The following CXXC1 variants were observed in gnomAD, a reference collection of about 807,000 sequenced individuals.
CXXC1 encodes the protein CXXC finger protein 1.
Under a neutral mutation model 83.6 loss-of-function variants are expected in CXXC1, and 21 were observed. The ratio of observed to expected loss-of-function variants is 0.25; its 90% CI spans 0.18 to 0.36. The LOEUF (loss-of-function observed/expected upper bound fraction) is 0.36. Among genes scored for constraint, CXXC1 ranks in the 10% least tolerant of loss-of-function variants. The pLI, the probability that CXXC1 is intolerant of heterozygous loss-of-function variation, is 1.00. For synonymous variants in CXXC1, 371 were observed against 337.5 expected (o/e 1.10, Z -1.09); for missense variants, 688 against 919.5 (o/e 0.75, Z 3.26).
chr18:50,285,303 C>A lies in CXXC1; in HGVS notation c.666+22G>T. 1 of 1,609,304 alleles carries A rather than the reference C, an allele frequency of 6.2e-7. No homozygotes were observed. Among genetic ancestry groups the A allele is most frequent in the Non-Finnish European group, 8.5e-7 (1 of 1,176,902 alleles). ...ACCGCCCTGCCCGCATGCCCCACCC[C>A]ACCCTGGGGGGCTGGACTCACCGAG... On this transcript the variant is annotated intron_variant, in intron 6 of 14. Transcript: ENST00000285106. This position sits in a 1 kb window ranked among gnomAD's most constrained non-coding sequence, Gnocchi z 4.4.
rs1301574674 is a variant in CXXC1, at chr18:50,286,206, C to G, written c.275G>C (p.Arg92Pro). 6.2e-7 allele frequency: 1 copy of G among 1,613,298 alleles called. No individual in the cohort carries two copies. Among genetic ancestry groups the G allele is most frequent in the Non-Finnish European group, 8.5e-7 (1 of 1,179,900 alleles). ...IRYRHKKSRE[R>P]DGNERDSSEP... ...ACTGCTGTCCCGCTCATTGCCATCC[C>G]GCTCCCGTGACTTCTTGTGCCGATA... The change falls in exon 4 of 15, where the codon CGG (arginine) becomes CCG (proline). Residue 92 changes from arginine (R) to proline (P), a missense_variant. Around this residue, in one of 9 missense-constraint regions of CXXC1, gnomAD observed 142 missense variants for 150.7 expected, o/e 0.94. Transcript: ENST00000285106.
chr18:50,285,052 GA>G lies in CXXC1; in HGVS notation c.861del (p.Pro288LeufsTer20). 1 of 1,614,246 alleles carries G rather than the reference GA, an allele frequency of 6.2e-7. No individual in the cohort carries two copies. The highest frequency in any genetic ancestry group is 8.5e-7 in the Non-Finnish European group (1 of 1,180,044). Reference protein sequence around the residue: ...EPLSDEDLPLDPDLYQDFCAG... With the variant: ...EPLSDEDLPLXPDLYQDFCAG... ...GCACAGAAGTCCTGATACAGGTCAG[GA>G]TCCAGAGGTAGGTCCTCATCTGAGA... is the stretch of plus-strand genomic sequence containing the variant. On this transcript the variant is annotated frameshift_variant, in exon 7 of 15. Coordinates refer to ENST00000285106, the MANE Select transcript of CXXC1 (RefSeq NM_014593.4). LOFTEE classifies it high-confidence loss of function. The surrounding 1 kb of genome is among the most constrained non-coding windows in gnomAD (Gnocchi z 4.4).
Position 50,283,959 on chromosome 18 carries a change from G to A in CXXC1, c.1348C>T (p.Arg450Ter), listed in dbSNP as rs771810551. ...ARTRLQEMER[R>*]FHELEAIILR... is the part of the protein sequence containing the mutation. ...ATGATGGCCTCAAGCTCATGGAATCGGCGTTCCATTTCCTGAAGGCGAGTG... is the reference window on the plus strand; with the variant it reads ...ATGATGGCCTCAAGCTCATGGAATCAGCGTTCCATTTCCTGAAGGCGAGTG... The change falls in exon 10 of 15, where the codon CGA becomes TGA. Residue 450 changes from arginine (R) to a stop codon, truncating the protein, a stop_gained. Transcript: ENST00000285106. LOFTEE classifies it high-confidence loss of function. 1.2e-6 allele frequency: 2 copies of A among 1,613,856 alleles called. No individual in the cohort carries two copies. Among genetic ancestry groups the A allele is most frequent in the Non-Finnish European group, 1.7e-6 (2 of 1,180,004 alleles).
Position 50,286,793 on chromosome 18 carries a change from C to A in CXXC1, c.69G>T (p.Glu23Asp). The A allele has an allele frequency of 6.2e-7, 1 of 1,614,144 alleles. No individual in the cohort carries two copies. Among genetic ancestry groups the A allele is most frequent in the Non-Finnish European group, 8.5e-7 (1 of 1,179,994 alleles). ...GGCAGATGCAGTAGATGGGCGCATT[C>A]TCCCCATTCTCGGACTTGCTGTCCT... Reference protein sequence around the residue: ...AGEDSKSENGENAPIYCICRK... With the variant: ...AGEDSKSENGDNAPIYCICRK... Residue 23 changes from glutamate (E) to aspartate (D), a missense_variant, in exon 2 of 15, where the codon GAG becomes GAT. Physicochemically the swap from Glu to Asp is conservative, Grantham distance 45. Coordinates refer to ENST00000285106, the MANE Select transcript of CXXC1 (RefSeq NM_014593.4).
Position 50,286,022 on chromosome 18 carries a change from C to T in CXXC1, c.459G>A (p.Gln153=), listed in dbSNP as rs759697604. The T allele has an allele frequency of 6.2e-7, 1 of 1,613,562 alleles. No individual in the cohort carries two copies. Among genetic ancestry groups the T allele is most frequent in the African/African-American group, 1.3e-5 (1 of 74,916 alleles). Residue 153 remains glutamine, a splice_region_variant and synonymous_variant, in exon 4 of 15, where the codon CAG becomes CAA. Transcript: ENST00000285106. Reference sequence around the variant, plus strand: ...CCATTCACTTTATGCAGCCACTCACCTGGCTGGGTGTGGCCACCAAGGGCT... The same window carrying T: ...CCATTCACTTTATGCAGCCACTCACTTGGCTGGGTGTGGCCACCAAGGGCT... ...SPQPLVATPS[Q]HHQQQQQQIK...
At chr18:50,286,484 T>A (rs893514961) in intron 3 of CXXC1, 55 bp downstream of exon 3, 98 of 1,441,764 alleles carry the variant, frequency 6.8e-5, no homozygotes, top group Non-Finnish European at 9.4e-5. Flanking sequence ...CCCTTGTGGC[T>A]CCTCCTCCTC....
intron 1 of CXXC1, chr18:50,287,254 G>C: frequency 2.0e-6 from 1 of 509,402 alleles, no homozygotes; most frequent in Non-Finnish European, 3.5e-6. Context: ...GCTGTCCACG[G>C]ATACCCGGAC....
At position 50,283,397 on chromosome 18, in the gene CXXC1, G is replaced by A. The variant is rs767485856; in HGVS notation, c.1575-36C>T. ...GGAGTAGAGAGGGCAGTAGAGGGAG[G>A]GAAGGGAGGTCCATCTGTCCTGGCT... is the stretch of plus-strand genomic sequence containing the variant. On this transcript the variant is annotated intron_variant, in intron 12 of 14. Coordinates refer to ENST00000285106, the MANE Select transcript of CXXC1 (RefSeq NM_014593.4). The A allele has an allele frequency of 1.6e-5, 26 of 1,602,000 alleles. No homozygotes were observed. The African/African-American group carries it at 3.1e-4, about 19-fold the overall frequency.
In CXXC1 at chr18:50,285,808, C is replaced by T; in HGVS notation, c.580G>A (p.Gly194Arg). The change falls in exon 5 of 15, where the codon GGG becomes AGG. Residue 194 changes from glycine (G) to arginine (R), a missense_variant. Physicochemically the swap from Gly to Arg is moderately radical, Grantham distance 125 (BLOSUM62 -2). Around this residue, in one of 9 missense-constraint regions of CXXC1, gnomAD observed 35 missense variants for 92.2 expected, o/e 0.38. Transcript: ENST00000285106. The surrounding 1 kb of genome is among the most constrained non-coding windows in gnomAD (Gnocchi z 4.4). Reference protein sequence around the residue: ...CDFCRDMKKFGGPNKIRQKCR... With the variant: ...CDFCRDMKKFRGPNKIRQKCR... ...TTCTGCCGGATCTTGTTGGGGCCCC[C>T]GAACTTCTTCATGTCCCGACAGAAA... 6.2e-7 allele frequency: 1 copy of T among 1,614,122 alleles called. No individual in the cohort carries two copies. The highest frequency in any genetic ancestry group is 8.5e-7 in the Non-Finnish European group (1 of 1,180,028).
At position 50,283,720 on chromosome 18, in the gene CXXC1, C is replaced by T. The variant is rs2040665458; in HGVS notation, c.1509G>A (p.Glu503=). 6.2e-7 allele frequency: 1 copy of T among 1,614,198 alleles called. No homozygotes were observed. Among genetic ancestry groups the T allele is most frequent in the African/African-American group, 1.3e-5 (1 of 75,064 alleles). The change falls in exon 11 of 15, where the codon GAG becomes GAA. Residue 503 remains glutamate, a synonymous_variant. Transcript: ENST00000285106. ...ACACCCCAACCTTGGCGTAGCAGCG[C>T]TCCATGTGGCGCAAGGCAACACGTG... ...INPRVALRHM[E]RCYAKYESQT... is the part of the protein sequence containing the mutation.
intron 12 of CXXC1, 57 bp from the exon 13 acceptor site, chr18:50,283,418 T>C (rs949775531): frequency 6.2e-7 from 1 of 1,601,866 alleles, no homozygotes; most frequent in Admixed American, 1.7e-5. Context: ...CCATCTGTCC[T>C]GGCTGGTTGC....
chr18:50,286,232 G>T lies in CXXC1; in HGVS notation c.249C>A (p.Arg83=), dbSNP rs775783037. Residue 83 remains arginine, a synonymous_variant, in exon 4 of 15, where the codon CGC becomes CGA. Transcript: ENST00000285106. ...CREKDPKLEI[R]YRHKKSRERD... is the part of the protein sequence containing the mutation. ...GCTCCCGTGACTTCTTGTGCCGATA[G>T]CGAATCTCTAGCTTGGGGTCTTTCT... 3 of 1,610,618 alleles carry T rather than the reference G, an allele frequency of 1.9e-6. No homozygotes were observed. The highest frequency in any genetic ancestry group is 2.7e-5 in the African/African-American group (2 of 74,902).
chr18:50,286,080 C>T lies in CXXC1; in HGVS notation c.401G>A (p.Arg134Gln), dbSNP rs372432669. 9.3e-6 allele frequency: 15 copies of T among 1,613,812 alleles called. No homozygotes were observed. Among genetic ancestry groups the T allele is most frequent in the Middle Eastern group, 1.6e-4 (1 of 6,084 alleles). Residue 134 changes from arginine to glutamine, a missense_variant, in exon 4 of 15, where the codon CGG becomes CAG. Transcript: ENST00000285106. ...SGTGVGAMLA[R>Q]GSASPHKSSP... ...GGATTTGTGGGGCGAAGCAGAGCCC[C>T]GAGCAAGCATGGCCCCAACCCCTGT...
At chr18:50,286,992 T>C (rs1402910289) in intron 1 of CXXC1, 134 bp from the exon 2 acceptor site, 5 of 669,056 alleles carry the variant, frequency 7.5e-6, no homozygotes, top group African/African-American at 5.5e-5. Context: ...CCAAAAAACC[T>C]CTCCATCACA....
At chr18:50,286,330 C>G in intron 3 of CXXC1, 73 bp from the exon 4 acceptor site, 1 of 1,388,230 alleles carries the variant, frequency 7.2e-7, no homozygotes, top group Non-Finnish European at 9.9e-7. Context: ...CTCTTTCTTC[C>G]TCTTCGCTCC....
In CXXC1 at chr18:50,286,768, G is replaced by A. The variant is rs760735172; in HGVS notation, c.94C>T (p.Arg32Cys). 6.2e-7 allele frequency: 1 copy of A among 1,614,022 alleles called. No homozygotes were observed. Among genetic ancestry groups the A allele is most frequent in the South Asian group, 1.1e-5 (1 of 91,078 alleles). The change falls in exon 2 of 15, where the codon CGC becomes TGC. Residue 32 changes from arginine (R) to cysteine (C), a missense_variant. Transcript: ENST00000285106. ...ATGAAGCAGTTGATGTCCGGTTTGC[G>A]GCAGATGCAGTAGATGGGCGCATTC... ...GENAPIYCIC[R>C]KPDINCFMIG...
In CXXC1 at chr18:50,282,579, C is replaced by G; in HGVS notation, c.*14G>C. ...ATCTGGAATGCAGGGTGTAAGGGGT[C>G]CGGGCCAGGAGGCTCAGCGGTCGGC... is the stretch of plus-strand genomic sequence containing the variant. On this transcript the variant is annotated 3_prime_UTR_variant, in exon 15 of 15. Transcript: ENST00000285106. The surrounding 1 kb of genome is among the most constrained non-coding windows in gnomAD (Gnocchi z 5.8). 6.2e-7 allele frequency: 1 copy of G among 1,605,130 alleles called. No homozygotes were observed. The highest frequency in any genetic ancestry group is 1.1e-5 in the South Asian group (1 of 91,038).
intron 9 of CXXC1, 65 bp from the exon 10 acceptor site, chr18:50,284,166 A>ACGCGAATGGCAAAATAGT: frequency 6.5e-7 from 1 of 1,538,152 alleles, no homozygotes. Context: ...GGCAAAATAG[A>ACGCGAATGGCAAAATAGT]CGCAAATGGC....
rs2040724245 is a variant in CXXC1 at position 50,286,912 on chromosome 18, T to G, written c.4-54A>C. 2.4e-6 allele frequency: 3 copies of G among 1,240,246 alleles called. No individual in the cohort carries two copies. The Admixed American group carries it at 5.1e-5, about 21-fold the overall frequency. 76.8% of individuals were successfully genotyped at this position (1,240,246 alleles called of 1,614,324 possible). A position where few individuals can be genotyped will look rare whatever the true frequency, so the allele number is the denominator to read the frequency against. ...AAGCAGCCCCCACCGTGGCGGCTCA[T>G]CCCCCCATTACAACTCCACCGTGGT... On this transcript the variant is annotated intron_variant, in intron 1 of 14. Transcript: ENST00000285106.
Sources: allele counts gnomAD v4.1 joint callset, GRCh38; gene constraint gnomAD v4.1.1; regional missense constraint gnomAD v4.1.1; non-coding constraint Gnocchi (gnomAD v3.1); transcripts MANE v1.5; gene names NCBI Gene and HGNC (gene_info 2026-07-23, HGNC 2026-07-21).